DNA2: variants seen among roughly 807,000 people sequenced by gnomAD.
DNA2 encodes DNA replication ATP-dependent helicase/nuclease DNA2.
In DNA2, 101 loss-of-function variants were observed where a neutral mutation model predicts 119.1. The observed-to-expected ratio is 0.85, with a 90% CI of 0.72 to 1.00. The LOEUF (loss-of-function observed/expected upper bound fraction) is 1.00, where lower values mean the gene tolerates loss of function less well. Ranked by LOEUF, DNA2 falls within the 50% of genes least tolerant of loss-of-function variation. The probability of loss-of-function intolerance (pLI) is 0.00; values close to 1 mark genes in which losing one functional copy is unlikely to be tolerated. For synonymous variants in DNA2, 366 were observed against 424.4 expected, an observed-to-expected ratio of 0.86 and a Z score of 1.69; for missense variants, 1,121 against 1,255.5, an observed-to-expected ratio of 0.89 and a Z score of 1.62.
intron 17 of DNA2, among the ~76,000 whole-genome samples, chr10:68,420,376 A>C (rs1480446582): frequency 6.6e-6 from 1 of 152,180 alleles, no homozygotes; most frequent in Non-Finnish European, 1.5e-5. Flanking sequence ...GTCTCTACTA[A>C]AAATACAAAA....
chr10:68,424,992 G>A (rs2051718188), intron 14 of DNA2: 2 of 569,676 alleles, frequency 3.5e-6, no homozygotes, highest in Admixed American at 2.4e-5. Flanking sequence ...GAAAATGCAG[G>A]AATAAATATA....
In DNA2 at chr10:68,470,147, C is replaced by T; in HGVS notation, c.91G>A (p.Val31Ile). 1.3e-6 allele frequency: 2 copies of T among 1,590,896 alleles called. No individual in the cohort carries two copies. The highest frequency in any genetic ancestry group is 1.7e-6 in the Non-Finnish European group (2 of 1,174,622). ...AGAACTGTTCTTGGAAAGGAAGCTA[C>T]CACTTTCTTCTGAAATCTAAAGCAC... is the stretch of plus-strand genomic sequence containing the variant. ...LPAELFQKKV[V>I]ASFPRTVLST... The change falls in exon 2 of 21, where the codon GTA (valine) becomes ATA (isoleucine). Residue 31 changes from valine to isoleucine, a missense_variant. Val to Ile is a conservative substitution (Grantham distance 29, BLOSUM62 3). Coordinates refer to ENST00000358410, the MANE Select transcript of DNA2 (RefSeq NM_001080449.3).
chr10:68,452,823 A>ATCCTCC (rs1475193972), intron 5 of DNA2, among the ~76,000 whole-genome samples: 1 of 147,278 alleles, frequency 6.8e-6, no homozygotes, highest in Non-Finnish European at 1.5e-5. Flanking sequence ...GTCTCAAGCA[A>ATCCTCC]TCCTCCTGCT....
At chr10:68,472,473 G>A (rs1232374852), upstream of DNA2, among the ~76,000 whole-genome samples, 2 of 152,248 alleles carry the variant, frequency 1.3e-5, no homozygotes, top group African/African-American at 4.8e-5. Flanking sequence ...GGAGGCTCAC[G>A]CCTGTAATCC....
chr10:68,433,295 T>G (rs1479355753), intron 10 of DNA2, among the ~76,000 whole-genome samples: 1 of 152,176 alleles, frequency 6.6e-6, no homozygotes, highest in African/African-American at 2.4e-5. Context: ...CAGCCACTTT[T>G]ACTTTCTAAA....
At chr10:68,437,663 A>AAAAACT (rs1164539429) in intron 9 of DNA2, among the ~76,000 whole-genome samples, 1 of 14,620 alleles carries the variant, frequency 6.8e-5, no homozygotes, top group African/African-American at 8.8e-5. Context: ...AAACAAAAAC[A>AAAAACT]AAAACAAAAA....
At chr10:68,441,498 C>G (rs2051967926) in intron 9 of DNA2, among the ~76,000 whole-genome samples, 1 of 151,936 alleles carries the variant, frequency 6.6e-6, no homozygotes, top group African/African-American at 2.4e-5. Flanking sequence ...AGTATTTAGA[C>G]CAGGCAAGGT....
chr10:68,470,141 A>C lies in DNA2; in HGVS notation c.97T>G (p.Ser33Ala). 3.8e-6 allele frequency: 6 copies of C among 1,594,472 alleles called. No individual in the cohort carries two copies. The highest frequency in any genetic ancestry group is 5.1e-6 in the Non-Finnish European group (6 of 1,175,566). Reference sequence around the variant, plus strand: ...GTGCTCAGAACTGTTCTTGGAAAGGAAGCTACCACTTTCTTCTGAAATCTA... The same window carrying C: ...GTGCTCAGAACTGTTCTTGGAAAGGCAGCTACCACTTTCTTCTGAAATCTA... Reference protein sequence around the residue: ...AELFQKKVVASFPRTVLSTGM... With the variant: ...AELFQKKVVAAFPRTVLSTGM... The change falls in exon 2 of 21, where the codon TCC becomes GCC. Residue 33 changes from serine (S) to alanine (A), a missense_variant. Ser to Ala is a moderately conservative substitution (Grantham distance 99). Transcript: ENST00000358410.
intron 5 of DNA2, among the ~76,000 whole-genome samples, chr10:68,451,348 G>A (rs964255733): frequency 2.6e-5 from 4 of 151,396 alleles, no homozygotes; most frequent in Non-Finnish European, 4.4e-5. Flanking sequence ...CTCTTAATTG[G>A]TAAATAACCC....
rs1000678800 is a variant in DNA2, at chr10:68,416,847, T to C, written c.2976A>G (p.Glu992=). 1.2e-6 allele frequency: 2 copies of C among 1,604,064 alleles called. No individual in the cohort carries two copies. Among genetic ancestry groups the C allele is most frequent in the Admixed American group, 1.7e-5 (1 of 57,316 alleles). ...TAAGACGTCGCCAATCTTTCAAGAGTTCACCAACCTGTAAGAAATATAATT... is the reference window on the plus strand; with the variant it reads ...TAAGACGTCGCCAATCTTTCAAGAGCTCACCAACCTGTAAGAAATATAATT... ...VRSNKDGTVG[E]LLKDWRRLNV... The change falls in exon 20 of 21, where the codon GAA becomes GAG. Residue 992 remains glutamate (E), a synonymous_variant. Coordinates refer to ENST00000358410, the MANE Select transcript of DNA2 (RefSeq NM_001080449.3).
In DNA2 at chr10:68,441,299, A is replaced by G. The variant is rs561133939; in HGVS notation, c.1415+1618T>C. On this transcript the variant is annotated intron_variant, in intron 9 of 20. Coordinates refer to ENST00000358410, the MANE Select transcript of DNA2 (RefSeq NM_001080449.3). The stretch of plus-strand genomic sequence containing the variant: ...CAGTGAGCCATGATTGCACCACTAT[A>G]CTCCAGTCAGGGCAGCAGAGTGTGA... 2.0e-5 allele frequency among the ~76,000 whole-genome samples: 3 copies of G among 149,358 alleles called. No individual in the cohort carries two copies. The South Asian group carries it at 6.4e-4, about 32-fold the overall frequency.
At chr10:68,452,438 T>C (rs1425433166) in intron 5 of DNA2, among the ~76,000 whole-genome samples, 51 of 152,318 alleles carry the variant, frequency 3.3e-4, no homozygotes. Flanking sequence ...TATTCAGATA[T>C]GCTTTTATTA....
At chr10:68,471,421 G>C (rs1173819520) in intron 1 of DNA2, among the ~76,000 whole-genome samples, 1 of 152,212 alleles carries the variant, frequency 6.6e-6, no homozygotes, top group African/African-American at 2.4e-5. Flanking sequence ...TATACACCAT[G>C]CTGAGGGTGC....
upstream of DNA2, among the ~76,000 whole-genome samples, chr10:68,472,421 G>T (rs949973993): frequency 2.0e-5 from 3 of 152,072 alleles, no homozygotes; most frequent in Admixed American, 6.6e-5. Flanking sequence ...GGAACTCCTT[G>T]ATCATGCCAC....
rs546831042 is a variant in DNA2, at chr10:68,422,207, AG to A, written c.2697+17del. The A allele has an allele frequency of 1.0e-4, 151 of 1,505,636 alleles. 1 individual carries two copies. The African/African-American group carries it at 2.1e-3, about 21-fold the overall frequency. The allele number at this position is 1,505,636 out of a possible 1,614,324, so 93.3% of individuals were successfully genotyped here. Reference sequence around the variant, plus strand: ...TAGGACAAAATGAGAAAAACTAAACAGAAATTTTTTTTTTTACCTTGTCTGT... The same window carrying A: ...TAGGACAAAATGAGAAAAACTAAACAAAATTTTTTTTTTTACCTTGTCTGT... On this transcript the variant is annotated intron_variant, in intron 17 of 20. Coordinates refer to ENST00000358410, the MANE Select transcript of DNA2 (RefSeq NM_001080449.3).
intron 14 of DNA2, among the ~76,000 whole-genome samples, chr10:68,428,790 T>G (rs2051777058): frequency 2.0e-5 from 3 of 152,066 alleles, no homozygotes; most frequent in Non-Finnish European, 4.4e-5. Context: ...AGTCTCAGAG[T>G]CATGGCTGTC....
intron 6 of DNA2, among the ~76,000 whole-genome samples, chr10:68,447,077 G>A (rs1032232078): frequency 5.3e-5 from 8 of 151,966 alleles, no homozygotes; most frequent in Non-Finnish European, 1.0e-4. Flanking sequence ...TGATTATTAC[G>A]TATTGCATGC....
intron 19 of DNA2, among the ~76,000 whole-genome samples, chr10:68,417,391 C>CAAAAAAAAAAAAAAA (rs35777569): frequency 2.6e-5 from 2 of 77,504 alleles, no homozygotes; most frequent in Non-Finnish European, 2.3e-5. Context: ...ATAAGAAAAC[C>CAAAAAAAAAAAAAAA]AAAAAAAAAA....
chr10:68,425,470 C>T (rs1018043270), intron 14 of DNA2, among the ~76,000 whole-genome samples: 1 of 150,448 alleles, frequency 6.6e-6, no homozygotes, highest in Non-Finnish European at 1.5e-5. Context: ...GCGGCGATCT[C>T]GGCTCACCGC....
Sources: gnomAD v4.1 joint callset for allele counts (sites outside exome capture counted in the v4.1 genomes callset) on GRCh38, gnomAD v4.1.1 for gene constraint, MANE v1.5 for transcripts, NCBI Gene and HGNC (gene_info 2026-07-23, HGNC 2026-07-21) for gene names.